TXNRD2: variants seen among roughly 807,000 people sequenced by gnomAD.
TXNRD2 encodes the protein thioredoxin reductase 2, also known as thioredoxin reductase 2, mitochondrial.
In TXNRD2, 67 loss-of-function variants were observed where a neutral mutation model predicts 70.8. That is an observed-to-expected ratio of 0.95 (90% CI 0.78 to 1.16). The LOEUF (loss-of-function observed/expected upper bound fraction) is 1.16, where lower values mean the gene tolerates loss of function less well. Ranked by LOEUF, TXNRD2 falls within the 50% of genes most tolerant of loss-of-function variation. The pLI, the probability that TXNRD2 is intolerant of heterozygous loss-of-function variation, is 0.00. For synonymous variants in TXNRD2, 301 were observed against 295.8 expected (o/e 1.02, Z -0.18); for missense variants, 644 against 719.9 (o/e 0.89, Z 1.21).
At position 19,895,423 on chromosome 22, in the gene TXNRD2, G is replaced by A. The variant is rs187065627; in HGVS notation, c.933C>T (p.Thr311=). The stretch of plus-strand genomic sequence containing the variant: ...TGCCCTTACCTATGGCCCACAGGAC[G>A]GTGTCAAAGGTGCCCGTGTCCTCCT... The part of the protein sequence containing the change: ...TGKEDTGTFD[T]VLWAIGRVPD... Residue 311 remains threonine (T), a synonymous_variant, in exon 11 of 18, where the codon ACC becomes ACT. Coordinates refer to ENST00000400521, the MANE Select transcript of TXNRD2 (RefSeq NM_006440.5). 1.7e-3 allele frequency: 2,675 copies of A among 1,613,952 alleles called. 1 individual carries two copies. Among genetic ancestry groups the A allele is most frequent in the Non-Finnish European group, 2.2e-3 (2,537 of 1,179,950 alleles).
At chr22:19,940,038 T>C (rs372316262) in intron 1 of TXNRD2, among the ~76,000 whole-genome samples, 125 of 151,876 alleles carry the variant, frequency 8.2e-4, no homozygotes, top group African/African-American at 2.6e-3. Flanking sequence ...GGTCAGGAGA[T>C]TGAGACCATC....
intron 2 of TXNRD2, among the ~76,000 whole-genome samples, chr22:19,919,904 C>T (rs1030295928): frequency 1.3e-5 from 2 of 152,174 alleles, no homozygotes; most frequent in African/African-American, 4.8e-5. Context: ...GCCTTTGTAC[C>T]ATCCACCCCT....
At chr22:19,913,931 A>G (rs1466084155) in intron 7 of TXNRD2, among the ~76,000 whole-genome samples, 1 of 152,240 alleles carries the variant, frequency 6.6e-6, no homozygotes, top group Non-Finnish European at 1.5e-5. Flanking sequence ...TAAAGACTTC[A>G]GTGGCCACAT....
intron 1 of TXNRD2, chr22:19,933,583 C>T (rs914627230): frequency 3.4e-6 from 4 of 1,168,242 alleles, no homozygotes; most frequent in Non-Finnish European, 4.5e-6. Context: ...GGGCAGCTTG[C>T]TCGCCCCCTG....
intron 11 of TXNRD2, among the ~76,000 whole-genome samples, chr22:19,888,882 C>T (rs1225815803): frequency 3.5e-5 from 5 of 142,666 alleles, no homozygotes; most frequent in Admixed American, 6.9e-5. Flanking sequence ...TATTTATCTT[C>T]TTTTTTTTTT....
intron 8 of TXNRD2, among the ~76,000 whole-genome samples, chr22:19,907,551 C>T (rs12161024): frequency 2.7e-4 from 8 of 29,956 alleles, no homozygotes; most frequent in Admixed American, 4.7e-4. Context: ...TAGCAGTGAC[C>T]GCTCTCAGGA....
At chr22:19,935,386 C>T (rs1004273233) in intron 1 of TXNRD2, among the ~76,000 whole-genome samples, 1 of 152,174 alleles carries the variant, frequency 6.6e-6, no homozygotes, top group African/African-American at 2.4e-5. Context: ...GTTCTCTGCT[C>T]TTAAACCATG....
At position 19,927,667 on chromosome 22, in the gene TXNRD2, A is replaced by G. The variant is rs34983191; in HGVS notation, c.172+3363T>C. Among the ~76,000 whole-genome samples, 559 of 150,552 alleles carry G rather than the reference A, an allele frequency of 3.7e-3. 2 individuals carry two copies. The highest frequency in any genetic ancestry group is 4.5e-3 in the Non-Finnish European group (302 of 67,742). On this transcript the variant is annotated intron_variant, in intron 2 of 17. Coordinates refer to ENST00000400521, the MANE Select transcript of TXNRD2 (RefSeq NM_006440.5). Reference sequence around the variant, plus strand: ...ACCTTGTCTCAAAAAAAAAAAAAAAAAAAAGAAAAGAAAGAAAGAAAGAAA... The same window carrying G: ...ACCTTGTCTCAAAAAAAAAAAAAAAGAAAAGAAAAGAAAGAAAGAAAGAAA...
chr22:19,926,882 G>C (rs879387145), intron 2 of TXNRD2, among the ~76,000 whole-genome samples: 13 of 152,334 alleles, frequency 8.5e-5, no homozygotes, highest in East Asian at 1.9e-4. Context: ...CTGGGGAGAG[G>C]GGGGAAGAGA....
chr22:19,915,837 G>A lies in TXNRD2; in HGVS notation c.456C>T (p.Val152=). 6.2e-7 allele frequency: 1 copy of A among 1,613,984 alleles called. No individual in the cohort carries two copies. The highest frequency in any genetic ancestry group is 8.5e-7 in the Non-Finnish European group (1 of 1,179,888). ...AGCTGGCTTTGATGTTAAAGTACTTGACTTTTCTGAAAGATAAAGATAAGA... is the reference window on the plus strand; with the variant it reads ...AGCTGGCTTTGATGTTAAAGTACTTAACTTTTCTGAAAGATAAAGATAAGA... ...GHRVQLQDRK[V]KYFNIKASFV... Residue 152 remains valine (V), a synonymous_variant, in exon 6 of 18, where the codon GTC becomes GTT. Transcript: ENST00000400521.
chr22:19,912,050 C>G (rs868029113), intron 7 of TXNRD2, among the ~76,000 whole-genome samples: 5 of 152,234 alleles, frequency 3.3e-5, no homozygotes, highest in Middle Eastern at 3.4e-3. Flanking sequence ...TCTGAGGGCA[C>G]CTGGCTGAAG....
At chr22:19,910,870 T>C in intron 8 of TXNRD2, 1 of 240,844 alleles carries the variant, frequency 4.2e-6, no homozygotes, top group Non-Finnish European at 8.2e-6. Flanking sequence ...AGGTCAGGAG[T>C]TCAAGACCAG....
intron 8 of TXNRD2, among the ~76,000 whole-genome samples, chr22:19,901,141 C>G (rs1001774979): frequency 7.2e-5 from 11 of 152,242 alleles, no homozygotes; most frequent in Non-Finnish European, 1.2e-4. Context: ...TTTGCTGTCT[C>G]TGCCACCGAC....
In TXNRD2 at chr22:19,878,450, TACC is replaced by T. The variant is rs543441133; in HGVS notation, c.1276-16_1276-14del. 152 of 1,612,860 alleles carry T rather than the reference TACC, an allele frequency of 9.4e-5. No homozygotes were observed. The highest frequency in any genetic ancestry group is 1.2e-4 in the Non-Finnish European group (138 of 1,179,590). On this transcript the variant is annotated splice_polypyrimidine_tract_variant and intron_variant, in intron 14 of 17. Transcript: ENST00000400521. ...GGGCGTGATAGACCTGAGGACAGGATACCAACCCTGGATCAGTGCTGCGACAAA... is the reference window on the plus strand; with the variant it reads ...GGGCGTGATAGACCTGAGGACAGGATAACCCTGGATCAGTGCTGCGACAAA...
chr22:19,895,629 G>A (rs367717577), intron 10 of TXNRD2, 48 bp from the exon 11 acceptor site: 25 of 1,598,236 alleles, frequency 1.6e-5, no homozygotes, highest in Non-Finnish European at 2.1e-5. Flanking sequence ...GGCCGTGGGA[G>A]AGAGGCTCTG....
intron 11 of TXNRD2, among the ~76,000 whole-genome samples, chr22:19,892,311 C>G (rs1033855466): frequency 2.6e-5 from 4 of 152,264 alleles, no homozygotes; most frequent in Non-Finnish European, 5.9e-5. Context: ...GTTTACAAAA[C>G]CTGGCTCTGA....
At chr22:19,923,999 T>A (rs962177653) in intron 2 of TXNRD2, among the ~76,000 whole-genome samples, 5 of 151,788 alleles carry the variant, frequency 3.3e-5, no homozygotes, top group African/African-American at 9.7e-5. Context: ...AAGGCTTTTT[T>A]TTCTTTTTTC....
intron 6 of TXNRD2, 82 bp from the exon 7 acceptor site, chr22:19,915,358 G>T: frequency 6.9e-7 from 1 of 1,451,412 alleles, no homozygotes; most frequent in East Asian, 2.4e-5. Context: ...CACAGACCTT[G>T]GCCAGCAGTT....
At chr22:19,930,990 A>G (rs532162589) in intron 2 of TXNRD2, 40 bp downstream of exon 2, 1 of 1,600,760 alleles carries the variant, frequency 6.2e-7, no homozygotes, top group African/African-American at 1.3e-5. Context: ...GGGGCCCTAA[A>G]AGCTTCGAGG....
Sources: gnomAD v4.1 joint callset for allele counts (sites outside exome capture counted in the v4.1 genomes callset) on GRCh38, gnomAD v4.1.1 for gene constraint, MANE v1.5 for transcripts, NCBI Gene and HGNC (gene_info 2026-07-23, HGNC 2026-07-21) for gene names.